Variants in NTRK1 observed in about 807,000 individuals in gnomAD.
The protein encoded by NTRK1 is high affinity nerve growth factor receptor.
Under a neutral mutation model 86.8 loss-of-function variants are expected in NTRK1, and 62 were observed. That is an observed-to-expected ratio of 0.71 (90% confidence interval 0.58 to 0.88). The LOEUF is 0.88. Among genes scored for constraint, NTRK1 ranks in the 40% least tolerant of loss-of-function variants. NTRK1 has a pLI of 0.00. For synonymous variants in NTRK1, 469 were observed against 456.6 expected (o/e 1.03, Z -0.35); for missense variants, 967 against 1,078.4 (o/e 0.90, Z 1.45).
intron 4 of NTRK1, 23 bp downstream of exon 4, chr1:156,867,001 G>A (rs1231856368): frequency 1.2e-6 from 2 of 1,612,874 alleles, no homozygotes; most frequent in African/African-American, 2.7e-5. Flanking sequence ...GCTTCCAGGG[G>A]CAAGAGCACC....
chr1:156,877,170 A>G (rs981457473), intron 14 of NTRK1, among the ~76,000 whole-genome samples: 1 of 152,146 alleles, frequency 6.6e-6, no homozygotes. Flanking sequence ...ACAGGTGCAC[A>G]CCATTGCACC....
At chr1:156,816,597 C>T (rs1473117461) in intron 1 of NTRK1, 4 of 1,490,650 alleles carry the variant, frequency 2.7e-6, no homozygotes, top group Non-Finnish European at 2.7e-6. Context: ...GAAGTGGGAG[C>T]TCAAGCCCAG....
chr1:156,864,366 C>A lies in NTRK1; in HGVS notation c.225C>A (p.Asn75Lys). The change falls in exon 2 of 17, where the codon AAC becomes AAA. Residue 75 changes from asparagine to lysine, a missense_variant. Around this residue, in one of 2 missense-constraint regions of NTRK1, gnomAD observed 330 missense variants for 302.0 expected, o/e 1.09. Transcript: ENST00000524377. ...AENLTELYIE[N>K]QQHLQHLELR... ...GCTCTCCCCACAGCTACATCGAGAA[C>A]CAGCAGCATCTGCAGCATCTGGAGC... The A allele has an allele frequency of 6.2e-7, 1 of 1,614,172 alleles. No homozygotes were observed. Among genetic ancestry groups the A allele is most frequent in the Middle Eastern group, 1.6e-4 (1 of 6,062 alleles).
chr1:156,873,062 T>TGTGTGTGTGTGTGTG (rs1553262045), intron 7 of NTRK1, among the ~76,000 whole-genome samples: 1 of 148,760 alleles, frequency 6.7e-6, no homozygotes. Flanking sequence ...TGTGTGTGTG[T>TGTGTGTGTGTGTGTG]TTGAAGAGAT....
chr1:156,868,095 GC>G lies in NTRK1; in HGVS notation c.429-3del, dbSNP rs766806139. On this transcript the variant is annotated splice_region_variant and splice_polypyrimidine_tract_variant and intron_variant, in intron 4 of 16. Transcript: ENST00000524377. ...CCTTGACTCTGTTGGTGTCCCCCAT[GC>G]CCCCCAGGGTCCTGTCGGGGAACCC... 7.4e-6 allele frequency: 12 copies of G among 1,613,664 alleles called. No individual in the cohort carries two copies. Among genetic ancestry groups the G allele is most frequent in the Admixed American group, 1.7e-5 (1 of 60,028 alleles).
chr1:156,833,308 G>A (rs1028351497), intron 1 of NTRK1, among the ~76,000 whole-genome samples: 2 of 152,224 alleles, frequency 1.3e-5, no homozygotes, highest in African/African-American at 2.4e-5. Context: ...TGTAATCCCA[G>A]CACTTTGGGA....
chr1:156,871,755 T>C lies in NTRK1; in HGVS notation c.850T>C (p.Phe284Leu), dbSNP rs1235647607. 4 of 1,614,168 alleles carry C rather than the reference T, an allele frequency of 2.5e-6. No homozygotes were observed. The highest frequency in any genetic ancestry group is 1.7e-5 in the Admixed American group (1 of 60,032). The change falls in exon 7 of 17, where the codon TTC becomes CTC. Residue 284 changes from phenylalanine (F) to leucine (L), a missense_variant and splice_region_variant. This residue lies in a region of NTRK1 where 637 missense variants were observed against 776.5 expected (regional missense o/e 0.82). Transcript: ENST00000524377. ...AEVSVQVNVS[F>L]PASVQLHTAV... is the part of the protein sequence containing the mutation. ...GGTCTCTGTTCAGGTCAACGTCTCC[T>C]GTGAGTCTCAGTGGCAGCTCCGGCA...
intron 3 of NTRK1, among the ~76,000 whole-genome samples, chr1:156,865,524 C>T (rs1310779099): frequency 2.6e-5 from 4 of 152,182 alleles, no homozygotes; most frequent in Non-Finnish European, 5.9e-5. Flanking sequence ...CTGTGTGGCC[C>T]GGTTCCTAAG....
intron 2 of NTRK1, chr1:156,852,037 T>C (rs1655233510): frequency 6.2e-7 from 1 of 1,613,358 alleles, no homozygotes; most frequent in Admixed American, 1.7e-5. Context: ...GGTAGGTGCC[T>C]GGCGGGCAGG....
rs988922767 is a variant in NTRK1, at chr1:156,860,985, G to C, written c.51G>C (p.Ala17=). 2.6e-6 allele frequency: 4 copies of C among 1,526,042 alleles called. No individual in the cohort carries two copies. Among genetic ancestry groups the C allele is most frequent in the East Asian group, 2.5e-5 (1 of 39,738 alleles). The allele number at this position is 1,526,042 out of a possible 1,614,324, so 94.5% of individuals were successfully genotyped here. A position where few individuals can be genotyped will look rare whatever the true frequency, so the allele number is the denominator to read the frequency against. ...AGCTTGGCTGGCACAGCTGGGCTGC[G>C]GGGCCGGGCAGCCTGCTGGCTTGGC... ...RGQLGWHSWA[A]GPGSLLAWLI... is the part of the protein sequence containing the mutation. Residue 17 remains alanine, a synonymous_variant, in exon 1 of 17, where the codon GCG becomes GCC. Transcript: ENST00000524377.
intron 4 of NTRK1, among the ~76,000 whole-genome samples, chr1:156,867,463 C>T (rs948339213): frequency 3.3e-5 from 5 of 152,164 alleles, no homozygotes; most frequent in African/African-American, 1.2e-4. Context: ...GCTGTCTTGT[C>T]TTCCACTTTC....
chr1:156,841,606 G>T (rs987375243), intron 1 of NTRK1: 8 of 1,609,336 alleles, frequency 5.0e-6, no homozygotes, highest in East Asian at 2.2e-5. Context: ...GGTGTTCCAG[G>T]CCCCTCCCCA....
Position 156,820,396 on chromosome 1 carries a change from G to A in NTRK1, c.-64+4558G>A, listed in dbSNP as rs368590933. Reference sequence around the variant, plus strand: ...CAAGTAGTTGGGACTACAGGCATGCGCCACCACACATGGCTAATTTTTGTA... The same window carrying A: ...CAAGTAGTTGGGACTACAGGCATGCACCACCACACATGGCTAATTTTTGTA... On this transcript the variant is annotated intron_variant, in intron 1 of 16. Transcript: ENST00000392302. 1.2e-3 allele frequency among the ~76,000 whole-genome samples: 178 copies of A among 152,234 alleles called. 2 individuals are homozygous for A. Among genetic ancestry groups the A allele is most frequent in the South Asian group, 3.5e-3 (17 of 4,828 alleles).
At chr1:156,859,797 C>T (rs1475370231), upstream of NTRK1, among the ~76,000 whole-genome samples, 1 of 152,172 alleles carries the variant, frequency 6.6e-6, no homozygotes, top group Non-Finnish European at 1.5e-5. This position sits in a 1 kb window ranked among gnomAD's most constrained non-coding sequence, Gnocchi z 6.2. Context: ...CGTCCTTCCC[C>T]CGCTCCCTGG....
intron 2 of NTRK1, chr1:156,848,879 G>GTCCGGTCCCGCCCCCGC (rs1558088155): frequency 1.9e-6 from 3 of 1,541,774 alleles, no homozygotes; most frequent in Non-Finnish European, 2.6e-6. Flanking sequence ...AATTGGCCTC[G>GTCCGGTCCCGCCCCCGC]TCCGGTCCCG....
intron 2 of NTRK1, 113 bp downstream of exon 2, chr1:156,864,541 C>A: frequency 8.1e-7 from 1 of 1,235,422 alleles, no homozygotes; most frequent in Non-Finnish European, 1.2e-6. Flanking sequence ...AGGCTGAGCA[C>A]TGAGGGACTG....
intron 6 of NTRK1, among the ~76,000 whole-genome samples, chr1:156,871,036 T>C (rs932444214): frequency 2.0e-5 from 3 of 152,242 alleles, no homozygotes; most frequent in African/African-American, 7.2e-5. Context: ...TCTTTGTTTC[T>C]GATCTTCCTT....
chr1:156,827,261 T>A (rs1048740638), intron 1 of NTRK1, among the ~76,000 whole-genome samples: 1 of 47,976 alleles, frequency 2.1e-5, no homozygotes, highest in African/African-American at 1.2e-4. Context: ...TTTATTTTTT[T>A]ATTTTTTTAT....
rs201211571 is a variant in NTRK1 at position 156,879,292 on chromosome 1, G to C, written c.1976G>C (p.Gly659Ala). 2 of 1,613,414 alleles carry C rather than the reference G, an allele frequency of 1.2e-6. No individual in the cohort carries two copies. Among genetic ancestry groups the C allele is most frequent in the Non-Finnish European group, 1.7e-6 (2 of 1,180,030 alleles). Reference sequence around the variant, plus strand: ...CTGGCCACACGCAACTGTCTAGTGGGCCAGGGACTGGTGGTCAAGATTGGT... The same window carrying C: ...CTGGCCACACGCAACTGTCTAGTGGCCCAGGGACTGGTGGTCAAGATTGGT... Reference protein sequence around the residue: ...RDLATRNCLVGQGLVVKIGDF... With the variant: ...RDLATRNCLVAQGLVVKIGDF... The change falls in exon 15 of 17, where the codon GGC becomes GCC. Residue 659 changes from glycine to alanine, a missense_variant. Gly to Ala is a moderately conservative substitution (Grantham distance 60). Coordinates refer to ENST00000524377, the MANE Select transcript of NTRK1 (RefSeq NM_002529.4).
Sources: allele counts gnomAD v4.1 joint callset (sites outside exome capture counted in the v4.1 genomes callset), GRCh38; gene constraint gnomAD v4.1.1; regional missense constraint gnomAD v4.1.1; non-coding constraint Gnocchi (gnomAD v3.1); transcripts MANE v1.5; gene names NCBI Gene and HGNC (gene_info 2026-07-23, HGNC 2026-07-21).